AP4M1: variants seen among roughly 807,000 people sequenced by gnomAD.
AP4M1 encodes adaptor related protein complex 4 subunit mu 1, also known as AP-4 complex subunit mu-1.
In AP4M1, 58 loss-of-function variants were observed where a neutral mutation model predicts 62.4. The ratio of observed to expected loss-of-function variants is 0.93; its 90% confidence interval spans 0.75 to 1.16. The LOEUF (loss-of-function observed/expected upper bound fraction) is 1.16. Among genes scored for constraint, AP4M1 ranks in the 50% most tolerant of loss-of-function variants. The pLI is 0.00. For synonymous variants in AP4M1, 290 were observed against 239.7 expected (o/e 1.21, Z -1.94); for missense variants, 626 against 585.4 (o/e 1.07, Z -0.72).
rs551818444 is a variant in AP4M1 at position 100,102,041 on chromosome 7, C to A, written c.147+73C>A. The A allele has an allele frequency of 2.2e-4, 339 of 1,530,830 alleles. 1 individual carries two copies. The highest frequency in any genetic ancestry group is 2.3e-5 in the Non-Finnish European group (26 of 1,109,854). The allele number at this position is 1,530,830 out of a possible 1,614,324, so 94.8% of individuals were successfully genotyped here. On this transcript the variant is annotated intron_variant, in intron 2 of 14. Coordinates refer to ENST00000359593, the MANE Select transcript of AP4M1 (RefSeq NM_004722.4). ...GGTGGGCGCCAGCTCCCTCCCAGGACTGGTTCATTGGTAGATTCCACTTGG... is the reference window on the plus strand; with the variant it reads ...GGTGGGCGCCAGCTCCCTCCCAGGAATGGTTCATTGGTAGATTCCACTTGG...
In AP4M1 at chr7:100,101,981, G is replaced by T; in HGVS notation, c.147+13G>T. On this transcript the variant is annotated intron_variant, in intron 2 of 14. Transcript: ENST00000359593. Reference sequence around the variant, plus strand: ...CCCGGTTGTCATGGTAACCAGTGGCGGGAGGCGGGTGAGGAGCGGGGTCCC... The same window carrying T: ...CCCGGTTGTCATGGTAACCAGTGGCTGGAGGCGGGTGAGGAGCGGGGTCCC... 6.2e-7 allele frequency: 1 copy of T among 1,612,956 alleles called. No homozygotes were observed. The highest frequency in any genetic ancestry group is 1.3e-5 in the African/African-American group (1 of 75,066).
Position 100,105,954 on chromosome 7 carries a change from T to C in AP4M1, c.930-5T>C. The C allele has an allele frequency of 6.2e-7, 1 of 1,614,132 alleles. No homozygotes were observed. The highest frequency in any genetic ancestry group is 8.5e-7 in the Non-Finnish European group (1 of 1,179,994). ...TGAGTCGTGGTGTTTTACCCTCTCA[T>C]CCAGGCTCCAGGTTTATCTAAAGTT... On this transcript the variant is annotated splice_polypyrimidine_tract_variant and splice_region_variant and intron_variant, in intron 11 of 14. Coordinates refer to ENST00000359593, the MANE Select transcript of AP4M1 (RefSeq NM_004722.4).
chr7:100,100,960 G>A (rs1795981774), upstream of AP4M1: 2 of 1,030,782 alleles, frequency 1.9e-6, no homozygotes, highest in Non-Finnish European at 2.6e-6. Flanking sequence ...AGACTCTCCT[G>A]AGGTCCTGGG....
At chr7:100,101,052 G>C, upstream of AP4M1, 1 of 713,754 alleles carries the variant, frequency 1.4e-6, no homozygotes, top group South Asian at 1.9e-5. Flanking sequence ...CCTTTACCAG[G>C]TGGGATTACT....
chr7:100,106,562 G>GCCGCCCCCCC, intron 14 of AP4M1, 48 bp downstream of exon 14: 1 of 1,514,814 alleles, frequency 6.6e-7, no homozygotes, highest in Non-Finnish European at 9.1e-7. Flanking sequence ...TTCACTTGCA[G>GCCGCCCCCCC]CCCCCACCCC....
Position 100,101,834 on chromosome 7 carries a change from C to A in AP4M1, c.59-46C>A, listed in dbSNP as rs575409429. On this transcript the variant is annotated intron_variant, in intron 1 of 14. Transcript: ENST00000359593. Reference sequence around the variant, plus strand: ...GGCCGGGCGGGAGGGGCGCCCAGGGCCAGCCTGTGTCGCAGGATCCTTCAC... The same window carrying A: ...GGCCGGGCGGGAGGGGCGCCCAGGGACAGCCTGTGTCGCAGGATCCTTCAC... The A allele has an allele frequency of 1.0e-4, 162 of 1,611,886 alleles. 1 individual carries two copies. The South Asian group carries it at 1.6e-3, about 16-fold the overall frequency.
Position 100,106,911 on chromosome 7 carries a change from A to G in AP4M1, c.*29A>G, listed in dbSNP as rs1584525918. 6.2e-6 allele frequency: 10 copies of G among 1,602,706 alleles called. No individual in the cohort carries two copies. Among genetic ancestry groups the G allele is most frequent in the African/African-American group, 2.7e-5 (2 of 74,776 alleles). ...TCCCCAAACGAGGACACGACGGCCA[A>G]GGTGGCAGTTTGTCCCACGGGAGGA... On this transcript the variant is annotated 3_prime_UTR_variant, in exon 15 of 15. Transcript: ENST00000359593.
Position 100,108,564 on chromosome 7 carries a change from G to A in AP4M1, c.*1682G>A, listed in dbSNP as rs778461262. On this transcript the variant is annotated 3_prime_UTR_variant, in exon 15 of 15. Transcript: ENST00000359593. ...TTCTGCAGAACAGAAAAAAAGCCAG[G>A]TAGAGGGAGGGCTGGGGAAAAAAGC... The A allele has an allele frequency of 1.0e-5, 16 of 1,577,080 alleles. No homozygotes were observed. Among genetic ancestry groups the A allele is most frequent in the South Asian group, 5.6e-5 (5 of 88,844 alleles).
At position 100,107,674 on chromosome 7, in the gene AP4M1, C is replaced by T; in HGVS notation, c.*792C>T. On this transcript the variant is annotated 3_prime_UTR_variant, in exon 15 of 15. Transcript: ENST00000359593. The stretch of plus-strand genomic sequence containing the variant: ...CTTGCCCTGTGCCCTCCCTGCCCCC[C>T]AGAGGCCTGGCGAGGACGCTTCACT... 4 of 1,591,336 alleles carry T rather than the reference C, an allele frequency of 2.5e-6. No individual in the cohort carries two copies. The highest frequency in any genetic ancestry group is 3.4e-6 in the Non-Finnish European group (4 of 1,170,652).
intron 7 of AP4M1, 34 bp from the exon 8 acceptor site, chr7:100,104,840 A>G (rs768926231): frequency 1.2e-6 from 2 of 1,613,418 alleles, no homozygotes; most frequent in South Asian, 1.1e-5. Flanking sequence ...AAGAAAGAAA[A>G]AAAGACTCTA....
Position 100,105,673 on chromosome 7 carries a change from C to T in AP4M1, c.929+134C>T, listed in dbSNP as rs1796407718. ...AATTGGAAAAAGGCTTGGGTTGCGG[C>T]CGGTGGCTCACACCTGTAATCCTAG... On this transcript the variant is annotated intron_variant, in intron 11 of 14. Coordinates refer to ENST00000359593, the MANE Select transcript of AP4M1 (RefSeq NM_004722.4). 4 of 966,056 alleles carry T rather than the reference C, an allele frequency of 4.1e-6. No homozygotes were observed. In the Admixed American group the frequency reaches 6.0e-5, roughly 14 times the overall value. The allele number at this position is 966,056 out of a possible 1,614,324, so 59.8% of individuals were successfully genotyped here. A position where few individuals can be genotyped will look rare whatever the true frequency, so the allele number is the denominator to read the frequency against.
At chr7:100,104,214 G>C in intron 7 of AP4M1, 60 bp downstream of exon 7, 1 of 1,493,530 alleles carries the variant, frequency 6.7e-7, no homozygotes, top group Admixed American at 1.7e-5. Context: ...AACATGGTGG[G>C]GTGGCTAAGA....
intron 14 of AP4M1, 55 bp downstream of exon 14, chr7:100,106,569 C>T (rs1796509408): frequency 3.3e-6 from 5 of 1,533,732 alleles, no homozygotes; most frequent in Admixed American, 1.7e-5. Context: ...GCAGCCCCCA[C>T]CCCACCCTCC....
intron 9 of AP4M1, 34 bp from the exon 10 acceptor site, chr7:100,105,206 G>A: frequency 6.2e-7 from 1 of 1,611,314 alleles, no homozygotes; most frequent in South Asian, 1.1e-5. Context: ...CAAAACAGGA[G>A]TCAGGAGAGA....
chr7:100,103,219 T>C lies in AP4M1; in HGVS notation c.352-190T>C, dbSNP rs988675022. The C allele has an allele frequency of 2.8e-5, 19 of 679,850 alleles. No homozygotes were observed. In the African/African-American group the frequency reaches 2.9e-4, roughly 10 times the overall value. 42.1% of individuals were successfully genotyped at this position (679,850 alleles called of 1,614,324 possible). ...CCCCTGTGCCTAGCTAATTGTTTAT[T>C]TTTTGTAGAGACTAGAGTCTCACTG... On this transcript the variant is annotated intron_variant, in intron 4 of 14. Coordinates refer to ENST00000359593, the MANE Select transcript of AP4M1 (RefSeq NM_004722.4).
chr7:100,103,780 G>A (rs971846125), intron 6 of AP4M1, 88 bp downstream of exon 6: 2 of 1,428,182 alleles, frequency 1.4e-6, no homozygotes, highest in Non-Finnish European at 1.9e-6. Flanking sequence ...AGCGGCTCAC[G>A]CCTGTAGTCC....
chr7:100,101,592 G>C, upstream of AP4M1: 1 of 1,089,596 alleles, frequency 9.2e-7, no homozygotes, highest in Non-Finnish European at 1.4e-6. Context: ...CGCGGTCCGA[G>C]CTGGCGCGGG....
At position 100,105,299 on chromosome 7, in the gene AP4M1, G is replaced by C. The variant is rs971782025; in HGVS notation, c.787G>C (p.Glu263Gln). Reference sequence around the variant, plus strand: ...GTTTCACAGCTCTGTGAATCTGGACGAATTTGAGTCTCATCGAATCCTCCG... The same window carrying C: ...GTTTCACAGCTCTGTGAATCTGGACCAATTTGAGTCTCATCGAATCCTCCG... The part of the protein sequence containing the change: ...VSFHSSVNLD[E>Q]FESHRILRLQ... The change falls in exon 10 of 15, where the codon GAA (glutamate) becomes CAA (glutamine). Residue 263 changes from glutamate to glutamine, a missense_variant. Coordinates refer to ENST00000359593, the MANE Select transcript of AP4M1 (RefSeq NM_004722.4). 2.5e-6 allele frequency: 4 copies of C among 1,614,000 alleles called. No homozygotes were observed. The African/African-American group carries it at 4.0e-5, about 16-fold the overall frequency.
upstream of AP4M1, chr7:100,101,319 G>T: frequency 6.2e-7 from 1 of 1,612,932 alleles, no homozygotes; most frequent in Non-Finnish European, 8.5e-7. Flanking sequence ...GTGCGGCCGC[G>T]CTTGGCGGGC....
Sources: gnomAD v4.1 joint callset for allele counts on GRCh38, gnomAD v4.1.1 for gene constraint, MANE v1.5 for transcripts, NCBI Gene and HGNC (gene_info 2026-07-23, HGNC 2026-07-21) for gene names.